Variants in RASA1 observed in about 807,000 individuals in gnomAD.
The protein encoded by RASA1 is ras GTPase-activating protein 1.
RASA1 carries 25 observed loss-of-function variants against 132.2 expected under a neutral mutation model. The ratio of observed to expected loss-of-function variants is 0.19; its 90% CI spans 0.14 to 0.26. The LOEUF (loss-of-function observed/expected upper bound fraction) is 0.26, where lower values mean the gene tolerates loss of function less well. Among genes scored for constraint, RASA1 ranks in the 10% least tolerant of loss-of-function variants. The pLI, the probability that RASA1 is intolerant of heterozygous loss-of-function variation, is 1.00. For synonymous variants in RASA1, 477 were observed against 449.9 expected, an observed-to-expected ratio of 1.06 and a Z score of -0.76; for missense variants, 964 against 1,299.2, an observed-to-expected ratio of 0.74 and a Z score of 3.97.
intron 1 of RASA1, among the ~76,000 whole-genome samples, chr5:87,312,588 G>A (rs986120608): frequency 2.6e-5 from 4 of 152,090 alleles, no homozygotes; most frequent in African/African-American, 9.7e-5. Context: ...CTTTTCGCTG[G>A]GTCTCCTCTT....
intron 1 of RASA1, among the ~76,000 whole-genome samples, chr5:87,307,749 A>G (rs1358773495): frequency 6.6e-6 from 1 of 152,022 alleles, no homozygotes; most frequent in Non-Finnish European, 1.5e-5. Flanking sequence ...CTCTCCAAGA[A>G]CCAACTTTTG....
chr5:87,311,982 C>T (rs954477951), intron 1 of RASA1, among the ~76,000 whole-genome samples: 4 of 152,176 alleles, frequency 2.6e-5, no homozygotes, highest in Non-Finnish European at 5.9e-5. Context: ...GTTATTAATC[C>T]TTTACTGCAT....
intron 1 of RASA1, among the ~76,000 whole-genome samples, chr5:87,314,561 A>T (rs1756175880): frequency 6.6e-6 from 1 of 152,222 alleles, no homozygotes. Flanking sequence ...AGAGATACTG[A>T]TGAGAAGTTT....
At chr5:87,350,606 T>C (rs1759192195) in intron 8 of RASA1, among the ~76,000 whole-genome samples, 2 of 151,582 alleles carry the variant, frequency 1.3e-5, no homozygotes, top group African/African-American at 4.8e-5. Flanking sequence ...CGGTAAAACA[T>C]GTAAAGGTAG....
At chr5:87,271,474 T>C (rs1350215722) in intron 1 of RASA1, among the ~76,000 whole-genome samples, 1 of 132,976 alleles carries the variant, frequency 7.5e-6, no homozygotes. Context: ...TTTTTTTTTT[T>C]TTTTTTTTTT....
At chr5:87,386,076 C>T (rs1323729299) in intron 22 of RASA1, among the ~76,000 whole-genome samples, 1 of 152,048 alleles carries the variant, frequency 6.6e-6, no homozygotes, top group Non-Finnish European at 1.5e-5. Context: ...TATTGCTCCT[C>T]ACAGCCTTGC....
intron 1 of RASA1, among the ~76,000 whole-genome samples, chr5:87,321,460 A>G (rs1291636115): frequency 1.3e-5 from 2 of 152,194 alleles, no homozygotes; most frequent in African/African-American, 2.4e-5. Flanking sequence ...GTAAGTCTGC[A>G]TCTCTGGAAC....
chr5:87,348,061 T>C (rs1758989207), intron 7 of RASA1, among the ~76,000 whole-genome samples: 1 of 152,038 alleles, frequency 6.6e-6, no homozygotes, highest in Non-Finnish European at 1.5e-5. Flanking sequence ...ATTCCTATCA[T>C]ATTCTAGAAG....
chr5:87,358,098 GCAAAT>G (rs1759790978), intron 9 of RASA1, among the ~76,000 whole-genome samples: 1 of 152,090 alleles, frequency 6.6e-6, no homozygotes, highest in African/African-American at 2.4e-5. Flanking sequence ...TGATTAGTTA[GCAAAT>G]CACCTCATCT....
chr5:87,268,270 G>A lies in RASA1; in HGVS notation c.-182G>A. The A allele has an allele frequency of 1.1e-6, 1 of 888,714 alleles. No homozygotes were observed. The allele number at this position is 888,714 out of a possible 1,614,324, so 55.1% of individuals were successfully genotyped here. ...TGGCTTCCCGTAACCCAGGCAGCTG[G>A]GGAGCCTGGGCTGTGGCCCTAGGAG... On this transcript the variant is annotated 5_prime_UTR_variant, in exon 1 of 25. Transcript: ENST00000274376.
chr5:87,357,890 A>C (rs1379657230), intron 9 of RASA1, among the ~76,000 whole-genome samples: 2 of 152,152 alleles, frequency 1.3e-5, no homozygotes, highest in African/African-American at 2.4e-5. Context: ...GAAATAATTG[A>C]TGCTGATTAT....
intron 1 of RASA1, among the ~76,000 whole-genome samples, chr5:87,280,871 C>G (rs1237820701): frequency 1.3e-5 from 2 of 151,134 alleles, no homozygotes; most frequent in African/African-American, 2.4e-5. Context: ...ATTCTCCTGC[C>G]TCAGCATCCC....
At position 87,390,861 on chromosome 5, in the gene RASA1, C is replaced by T. The variant is rs765451479; in HGVS notation, c.3122C>T (p.Thr1041Ile). 4 of 1,612,966 alleles carry T rather than the reference C, an allele frequency of 2.5e-6. No individual in the cohort carries two copies. The East Asian group carries it at 6.7e-5, about 27-fold the overall frequency. ...ELLQQKQNQY[T>I]KTNDVR ...CTTCAACAAAAACAAAACCAGTATA[C>T]AAAAACCAATGATGTCAGGTAGCAG... Residue 1041 changes from threonine to isoleucine, a missense_variant, in exon 25 of 25, where the codon ACA becomes ATA. Around this residue, in one of 6 missense-constraint regions of RASA1, gnomAD observed 107 missense variants for 163.8 expected, o/e 0.65. Coordinates refer to ENST00000274376, the MANE Select transcript of RASA1 (RefSeq NM_002890.3).
At chr5:87,373,777 T>C (rs1244822845) in intron 13 of RASA1, among the ~76,000 whole-genome samples, 1 of 152,184 alleles carries the variant, frequency 6.6e-6, no homozygotes, top group Non-Finnish European at 1.5e-5. Context: ...ATAAGTATTA[T>C]ATAACATACG....
intron 1 of RASA1, among the ~76,000 whole-genome samples, chr5:87,283,495 A>G (rs942686733): frequency 3.3e-5 from 5 of 152,040 alleles, no homozygotes; most frequent in Non-Finnish European, 5.9e-5. Context: ...TTTACTATAG[A>G]AAATTTGGAG....
chr5:87,384,072 T>C (rs764923370), intron 21 of RASA1, among the ~76,000 whole-genome samples: 63 of 152,136 alleles, frequency 4.1e-4, no homozygotes, highest in Non-Finnish European at 4.3e-4. Flanking sequence ...TGACTTCTTG[T>C]AGTCTGCAGC....
At chr5:87,329,826 A>G (rs1757484190) in intron 1 of RASA1, among the ~76,000 whole-genome samples, 1 of 152,170 alleles carries the variant, frequency 6.6e-6, no homozygotes, top group Non-Finnish European at 1.5e-5. Flanking sequence ...CAACTAAATA[A>G]ACTCATAGCC....
chr5:87,390,252 C>T (rs1401252880), intron 24 of RASA1, among the ~76,000 whole-genome samples: 2 of 152,136 alleles, frequency 1.3e-5, no homozygotes, highest in East Asian at 3.9e-4. Flanking sequence ...GAGGAAGTGA[C>T]CACAGGGACA....
chr5:87,389,512 G>A lies in RASA1; in HGVS notation c.3045G>A (p.Glu1015=). The change falls in exon 24 of 25, where the codon GAG becomes GAA. Residue 1015 remains glutamate, a synonymous_variant. Coordinates refer to ENST00000274376, the MANE Select transcript of RASA1 (RefSeq NM_002890.3). ...HSDELRTLSN[E]RGAQQHVLKK... is the part of the protein sequence containing the mutation. ...ATGAACTTCGAACGCTCAGTAATGAGCGTGGTGCACAGCAGGTAGGCTTTC... is the reference window on the plus strand; with the variant it reads ...ATGAACTTCGAACGCTCAGTAATGAACGTGGTGCACAGCAGGTAGGCTTTC... 6.2e-7 allele frequency: 1 copy of A among 1,614,080 alleles called. No individual in the cohort carries two copies. The highest frequency in any genetic ancestry group is 8.5e-7 in the Non-Finnish European group (1 of 1,179,954).
Sources: allele counts gnomAD v4.1 joint callset (sites outside exome capture counted in the v4.1 genomes callset), GRCh38; gene constraint gnomAD v4.1.1; regional missense constraint gnomAD v4.1.1; transcripts MANE v1.5; gene names NCBI Gene and HGNC (gene_info 2026-07-23, HGNC 2026-07-21).